The following COLEC12 variants were observed in gnomAD, a reference collection of about 807,000 sequenced individuals.
COLEC12 encodes the protein collectin subfamily member 12, also known as collectin-12.
In COLEC12, 33 loss-of-function variants were observed where a neutral mutation model predicts 71.1. The ratio of observed to expected loss-of-function variants is 0.46; its 90% CI spans 0.35 to 0.62. COLEC12 has a LOEUF of 0.62. Ranked by LOEUF, COLEC12 falls within the 20% of genes least tolerant of loss-of-function variation. The pLI is 0.00. For missense variants in COLEC12, 765 were observed against 916.1 expected (o/e 0.84, Z 2.13); for synonymous variants, 350 against 353.0 (o/e 0.99, Z 0.10).
intron 2 of COLEC12, among the ~76,000 whole-genome samples, chr18:443,425 A>G (rs1369411714): frequency 6.6e-6 from 1 of 152,214 alleles, no homozygotes; most frequent in African/African-American, 2.4e-5. Flanking sequence ...GTAAAGTGAA[A>G]CGACTTTAAC....
chr18:472,735 G>T (rs1598376173), intron 2 of COLEC12, among the ~76,000 whole-genome samples: 1 of 136,762 alleles, frequency 7.3e-6, no homozygotes, highest in Non-Finnish European at 1.6e-5. Context: ...CAGAAGAAAA[G>T]AAAATAGACT....
chr18:394,468 C>A (rs1277359501), intron 2 of COLEC12, among the ~76,000 whole-genome samples: 2 of 152,178 alleles, frequency 1.3e-5, no homozygotes, highest in African/African-American at 4.8e-5. Flanking sequence ...TGATGTAATA[C>A]CACATGAAAA....
intron 2 of COLEC12, among the ~76,000 whole-genome samples, chr18:438,795 C>A (rs1916455111): frequency 8.9e-6 from 1 of 112,840 alleles, no homozygotes. Flanking sequence ...AGAATAAGAC[C>A]TTGTCTCAAA....
chr18:380,730 G>C (rs781084137), intron 2 of COLEC12, among the ~76,000 whole-genome samples: 1 of 152,206 alleles, frequency 6.6e-6, no homozygotes, highest in Non-Finnish European at 1.5e-5. Context: ...ACGGAAAGAA[G>C]TGAGCTGTAC....
rs1914406773 is a variant in COLEC12, at chr18:347,288, T to C, written c.334A>G (p.Arg112Gly). The change falls in exon 5 of 10, where the codon AGA (arginine) becomes GGA (glycine). Residue 112 changes from arginine (R) to glycine (G), a missense_variant. By Grantham distance (125) the Arg-to-Gly change is moderately radical. Coordinates refer to ENST00000400256, the MANE Select transcript of COLEC12 (RefSeq NM_130386.3). Reference sequence around the variant, plus strand: ...TGACGGAGATCTAGAATGTCTGATCTGAAGGTGGAGAGTTCTGAGTTGGTG... The same window carrying C: ...TGACGGAGATCTAGAATGTCTGATCCGAAGGTGGAGAGTTCTGAGTTGGTG... ...ISTNSELSTF[R>G]SDILDLRQQL... The C allele has an allele frequency of 6.2e-7, 1 of 1,614,206 alleles. No homozygotes were observed.
At chr18:356,463 T>C (rs1914630574) in intron 3 of COLEC12, among the ~76,000 whole-genome samples, 1 of 152,164 alleles carries the variant, frequency 6.6e-6, no homozygotes, top group Non-Finnish European at 1.5e-5. Context: ...ATACACACTG[T>C]GCTTTCTCAG....
chr18:403,979 A>G (rs1318668950), intron 2 of COLEC12, among the ~76,000 whole-genome samples: 2 of 152,324 alleles, frequency 1.3e-5, no homozygotes, highest in East Asian at 3.9e-4. Flanking sequence ...CCCCAAATGT[A>G]TTCCTGGTTG....
At chr18:425,148 C>A (rs2143661952) in intron 2 of COLEC12, among the ~76,000 whole-genome samples, 1 of 152,280 alleles carries the variant, frequency 6.6e-6, no homozygotes, top group Middle Eastern at 3.4e-3. Flanking sequence ...CTTAGTGCAA[C>A]CTTCTTAATT....
intron 1 of COLEC12, among the ~76,000 whole-genome samples, chr18:485,503 C>CT (rs1165279645): frequency 1.3e-5 from 2 of 152,204 alleles, no homozygotes; most frequent in African/African-American, 4.8e-5. Flanking sequence ...CACAGCTGAA[C>CT]TTTTGCATTT....
chr18:445,277 A>G (rs1916623851), intron 2 of COLEC12, among the ~76,000 whole-genome samples: 1 of 152,202 alleles, frequency 6.6e-6, no homozygotes, highest in South Asian at 2.1e-4. Flanking sequence ...AAAAATCATT[A>G]TCCATCTCTC....
At chr18:470,921 C>A (rs72853172) in intron 2 of COLEC12, among the ~76,000 whole-genome samples, 1 of 152,160 alleles carries the variant, frequency 6.6e-6, no homozygotes, top group Non-Finnish European at 1.5e-5. Context: ...AGAATGAGAA[C>A]GACATGTTAG....
chr18:435,129 A>G (rs1396648919), intron 2 of COLEC12, among the ~76,000 whole-genome samples: 2 of 152,206 alleles, frequency 1.3e-5, no homozygotes, highest in Non-Finnish European at 2.9e-5. Context: ...TCTGGCACCG[A>G]GCACACTCTC....
chr18:418,511 C>T (rs1178767840), intron 2 of COLEC12, among the ~76,000 whole-genome samples: 2 of 152,210 alleles, frequency 1.3e-5, no homozygotes, highest in Non-Finnish European at 2.9e-5. Flanking sequence ...ACCTACTGGG[C>T]TGCATTCCCA....
intron 2 of COLEC12, among the ~76,000 whole-genome samples, chr18:398,937 T>C (rs1915624548): frequency 6.6e-6 from 1 of 152,310 alleles, no homozygotes; most frequent in East Asian, 1.9e-4. Flanking sequence ...ACTTAAATAA[T>C]ACAAGAAGGA....
chr18:350,084 G>A (rs1362287703), intron 3 of COLEC12, among the ~76,000 whole-genome samples: 1 of 152,174 alleles, frequency 6.6e-6, no homozygotes, highest in Non-Finnish European at 1.5e-5. Flanking sequence ...GATTTGGCAG[G>A]GGCCAGGGGT....
intron 2 of COLEC12, among the ~76,000 whole-genome samples, chr18:446,232 T>C (rs1455411907): frequency 6.9e-6 from 1 of 144,564 alleles, no homozygotes; most frequent in African/African-American, 2.5e-5. Context: ...TATGTTTTAA[T>C]TTCTCCTTGG....
intron 5 of COLEC12, among the ~76,000 whole-genome samples, chr18:344,490 C>T (rs1027711055): frequency 6.6e-6 from 1 of 152,180 alleles, no homozygotes; most frequent in East Asian, 1.9e-4. Flanking sequence ...TCTGATGTTG[C>T]TTTTCTGAGC....
Position 327,942 on chromosome 18 carries a change from T to C in COLEC12, c.2063+3726A>G, listed in dbSNP as rs1170872059. ...CCTGGGCTTATCTTTCTGGGAGGTT[T>C]CTGATTGCTACTTCAATCTCCTTCT... is the stretch of plus-strand genomic sequence containing the variant. On this transcript the variant is annotated intron_variant, in intron 8 of 9. Transcript: ENST00000400256. This position sits in a 1 kb window ranked among gnomAD's most constrained non-coding sequence, Gnocchi z 4.0. Among the ~76,000 whole-genome samples the C allele has an allele frequency of 1.3e-5, 2 of 152,218 alleles. No individual in the cohort carries two copies. The highest frequency in any genetic ancestry group is 4.8e-5 in the African/African-American group (2 of 41,460).
intron 2 of COLEC12, among the ~76,000 whole-genome samples, chr18:454,059 G>A (rs1010535401): frequency 1.3e-5 from 2 of 152,196 alleles, no homozygotes; most frequent in Non-Finnish European, 2.9e-5. Flanking sequence ...AGTGGGTTAT[G>A]TTATGAAACA....
Sources: allele counts gnomAD v4.1 joint callset (sites outside exome capture counted in the v4.1 genomes callset), GRCh38; gene constraint gnomAD v4.1.1; non-coding constraint Gnocchi (gnomAD v3.1); transcripts MANE v1.5; gene names NCBI Gene and HGNC (gene_info 2026-07-23, HGNC 2026-07-21).